The following HSF2 variants were observed in gnomAD, a reference collection of about 807,000 sequenced individuals.
The protein encoded by HSF2 is heat shock transcription factor 2.
Under a neutral mutation model 65.0 loss-of-function variants are expected in HSF2, and 21 were observed. The observed-to-expected ratio is 0.32, with a 90% CI of 0.23 to 0.47. HSF2 has a LOEUF of 0.47. Ranked by LOEUF, HSF2 falls within the 20% of genes least tolerant of loss-of-function variation. The pLI, the probability that HSF2 is intolerant of heterozygous loss-of-function variation, is 1.00. For synonymous variants in HSF2, 225 were observed against 219.1 expected, an observed-to-expected ratio of 1.03 and a Z score of -0.24; for missense variants, 499 against 628.1, an observed-to-expected ratio of 0.79 and a Z score of 2.20.
intron 1 of HSF2, among the ~76,000 whole-genome samples, chr6:122,406,556 G>A (rs1481297219): frequency 6.6e-6 from 1 of 152,170 alleles, no homozygotes; most frequent in Non-Finnish European, 1.5e-5. Context: ...TGAGACTAAG[G>A]TAGCAGCAGT....
chr6:122,414,919 ACTTAT>A (rs1463113165), intron 4 of HSF2, among the ~76,000 whole-genome samples: 4 of 152,164 alleles, frequency 2.6e-5, no homozygotes, highest in African/African-American at 7.2e-5. Context: ...ACCCAGCCCT[ACTTAT>A]CTTTATTTAG....
Position 122,422,138 on chromosome 6 carries a change from C to G in HSF2, c.682-12C>G, listed in dbSNP as rs758644289. On this transcript the variant is annotated splice_polypyrimidine_tract_variant and intron_variant, in intron 7 of 12. Transcript: ENST00000368455. ...TTGATTTTTAGATATATTTTTCTCTCTGAATTTTTAGGTTCCACACAGTAG... is the reference window on the plus strand; with the variant it reads ...TTGATTTTTAGATATATTTTTCTCTGTGAATTTTTAGGTTCCACACAGTAG... 1 of 1,554,986 alleles carries G rather than the reference C, an allele frequency of 6.4e-7. No individual in the cohort carries two copies. Among genetic ancestry groups the G allele is most frequent in the Non-Finnish European group, 8.7e-7 (1 of 1,150,236 alleles).
At chr6:122,417,422 G>A (rs1774150387) in intron 5 of HSF2, among the ~76,000 whole-genome samples, 1 of 143,008 alleles carries the variant, frequency 7.0e-6, no homozygotes, top group Non-Finnish European at 1.6e-5. Context: ...AGCAAGAATA[G>A]TTGATAAAAT....
At position 122,413,593 on chromosome 6, in the gene HSF2, T is replaced by C; in HGVS notation, c.399T>C (p.Ala133=). 1 of 1,601,210 alleles carries C rather than the reference T, an allele frequency of 6.2e-7. No individual in the cohort carries two copies. ...QEDLTKIISS[A]QKVQIKQETI... ...ATTTAACAAAAATTATAAGTAGTGC[T>C]CAGAAGGTTCAGATAAAACAGGAAA... The change falls in exon 4 of 13, where the codon GCT becomes GCC. Residue 133 remains alanine, a synonymous_variant. Transcript: ENST00000368455.
At chr6:122,420,623 A>G (rs1169292048) in intron 7 of HSF2, among the ~76,000 whole-genome samples, 1 of 75,516 alleles carries the variant, frequency 1.3e-5, no homozygotes, top group African/African-American at 4.6e-5. Flanking sequence ...TGTGCATATC[A>G]TTTTATAGTG....
At chr6:122,424,565 A>C (rs1391146295) in intron 10 of HSF2, among the ~76,000 whole-genome samples, 1 of 152,104 alleles carries the variant, frequency 6.6e-6, no homozygotes, top group African/African-American at 2.4e-5. Context: ...AGTCCTTGTC[A>C]GTGCCCCAAG....
chr6:122,417,380 C>T (rs1055577180), intron 5 of HSF2, among the ~76,000 whole-genome samples: 47 of 152,166 alleles, frequency 3.1e-4, no homozygotes, highest in African/African-American at 1.1e-3. Context: ...GCTTACAACA[C>T]TCTATAATGT....
chr6:122,423,541 G>T, intron 9 of HSF2, 40 bp from the exon 10 acceptor site: 2 of 1,046,172 alleles, frequency 1.9e-6, no homozygotes, highest in East Asian at 2.5e-5. Context: ...TAAAAACAAG[G>T]ATATCTAATA....
rs34023683 is a variant in HSF2, at chr6:122,431,415, A to AT, written c.1231-8dup. ...ATATGAAACAAGTACTTATATATAT[A>AT]TTTTTTTCTTTTAGTCTGAGAATAA... On this transcript the variant is annotated splice_polypyrimidine_tract_variant and intron_variant, in intron 11 of 12. Coordinates refer to ENST00000368455, the MANE Select transcript of HSF2 (RefSeq NM_004506.4). 5.2e-6 allele frequency: 7 copies of AT among 1,344,492 alleles called. No individual in the cohort carries two copies. The South Asian group carries it at 6.1e-5, about 12-fold the overall frequency. 83.3% of individuals were successfully genotyped at this position (1,344,492 alleles called of 1,614,324 possible).
chr6:122,418,297 A>G (rs552571361), intron 5 of HSF2, among the ~76,000 whole-genome samples: 1 of 152,288 alleles, frequency 6.6e-6, no homozygotes, highest in East Asian at 1.9e-4. Flanking sequence ...TAGTTCTTAT[A>G]CTCACATCAG....
At chr6:122,428,748 A>T (rs484552) in intron 11 of HSF2, among the ~76,000 whole-genome samples, 78,124 of 151,676 alleles carry the variant, frequency 0.52, 20,350 homozygotes, top group South Asian at 0.67. Flanking sequence ...ATCTCAAATA[A>T]ATATAAGTGA....
At chr6:122,420,318 C>T in intron 7 of HSF2, 96 bp downstream of exon 7, 1 of 841,108 alleles carries the variant, frequency 1.2e-6, no homozygotes, top group Non-Finnish European at 1.8e-6. Context: ...TGGTGAATAA[C>T]AATTCAAGTG....
intron 5 of HSF2, among the ~76,000 whole-genome samples, chr6:122,417,450 G>C (rs1326075240): frequency 2.0e-5 from 3 of 151,934 alleles, no homozygotes; most frequent in Non-Finnish European, 4.4e-5. Context: ...TGACATTTCA[G>C]TTTTTCATGA....
At chr6:122,411,135 G>A (rs1773984051) in intron 1 of HSF2, among the ~76,000 whole-genome samples, 1 of 151,560 alleles carries the variant, frequency 6.6e-6, no homozygotes, top group South Asian at 2.1e-4. Flanking sequence ...ATGCGTTTTT[G>A]ATAATAGCCA....
chr6:122,423,044 T>G, intron 9 of HSF2, 87 bp downstream of exon 9: 1 of 1,445,266 alleles, frequency 6.9e-7, no homozygotes, highest in East Asian at 2.3e-5. Flanking sequence ...AATCTTCCTT[T>G]CAGATGATGA....
intron 1 of HSF2, among the ~76,000 whole-genome samples, chr6:122,404,119 C>G (rs897529042): frequency 2.0e-5 from 3 of 151,978 alleles, no homozygotes; most frequent in Non-Finnish European, 4.4e-5. Context: ...CTTTTTGTGC[C>G]CTTTGGCATT....
intron 11 of HSF2, among the ~76,000 whole-genome samples, chr6:122,431,136 T>C (rs1371893330): frequency 6.6e-6 from 1 of 152,158 alleles, no homozygotes; most frequent in Non-Finnish European, 1.5e-5. Context: ...TTCTGATCTT[T>C]TACTCGTGAC....
chr6:122,410,713 GTTCTT>G, intron 1 of HSF2, among the ~76,000 whole-genome samples: 1 of 151,786 alleles, frequency 6.6e-6, no homozygotes, highest in African/African-American at 2.4e-5. Flanking sequence ...TGTTTTCAAA[GTTCTT>G]TTCATGTTGT....
chr6:122,413,180 A>G (rs1446248821), intron 3 of HSF2, among the ~76,000 whole-genome samples: 1 of 152,104 alleles, frequency 6.6e-6, no homozygotes, highest in Admixed American at 6.6e-5. Context: ...GCCTAGCATG[A>G]ACCTTTTACT....
Sources: allele counts gnomAD v4.1 joint callset (sites outside exome capture counted in the v4.1 genomes callset), GRCh38; gene constraint gnomAD v4.1.1; transcripts MANE v1.5; gene names NCBI Gene and HGNC (gene_info 2026-07-23, HGNC 2026-07-21).